Variants in UBE2L3 observed in about 807,000 individuals in gnomAD.
The protein encoded by UBE2L3 is ubiquitin-conjugating enzyme E2 L3.
UBE2L3 carries 1 observed loss-of-function variant against 17.8 expected under a neutral mutation model. The observed-to-expected ratio is 0.06, with a 90% CI of 0.02 to 0.27. The LOEUF is 0.27. Ranked by LOEUF, UBE2L3 falls within the 10% of genes least tolerant of loss-of-function variation. The pLI is 1.00. For synonymous variants in UBE2L3, 44 were observed against 68.5 expected (o/e 0.64, Z 1.76); for missense variants, 40 against 192.6 (o/e 0.21, Z 4.69).
At chr22:21,552,876 A>G (rs1323192917) in intron 1 of UBE2L3, among the ~76,000 whole-genome samples, 2 of 133,540 alleles carry the variant, frequency 1.5e-5, no homozygotes, top group Non-Finnish European at 3.2e-5. Context: ...GGTGCCCGCC[A>G]CCACGCCTGG....
intron 1 of UBE2L3, among the ~76,000 whole-genome samples, chr22:21,556,785 C>A (rs1368684014): frequency 6.6e-6 from 1 of 152,252 alleles, no homozygotes; most frequent in Admixed American, 6.5e-5. Flanking sequence ...ATAGGCTGGG[C>A]GCAGTGGCCC....
At chr22:21,566,812 C>T (rs1249618346), upstream of UBE2L3, among the ~76,000 whole-genome samples, 7 of 152,156 alleles carry the variant, frequency 4.6e-5, 1 homozygote, top group South Asian at 6.2e-4. Context: ...CTCCTCCAGT[C>T]CTCCCAGCTG....
intron 1 of UBE2L3, among the ~76,000 whole-genome samples, chr22:21,569,555 ACT>A (rs1056473721): frequency 4.6e-5 from 7 of 151,988 alleles, no homozygotes; most frequent in African/African-American, 1.7e-4. Flanking sequence ...AAAGCAGATA[ACT>A]CAATTCTTTC....
chr22:21,590,199 A>AT (rs1042435324), intron 1 of UBE2L3, among the ~76,000 whole-genome samples: 3 of 151,494 alleles, frequency 2.0e-5, no homozygotes, highest in Non-Finnish European at 2.9e-5. Context: ...TTATTTTTTT[A>AT]TTTTTTTATT....
chr22:21,601,362 G>A (rs936331727), intron 2 of UBE2L3, among the ~76,000 whole-genome samples: 2 of 151,494 alleles, frequency 1.3e-5, no homozygotes, highest in Non-Finnish European at 2.9e-5. Flanking sequence ...CCCCAGGCTG[G>A]AGTGCAGTGG....
chr22:21,607,115 G>A (rs569531098), intron 2 of UBE2L3, among the ~76,000 whole-genome samples: 4 of 152,238 alleles, frequency 2.6e-5, no homozygotes, highest in Admixed American at 6.5e-5. Flanking sequence ...GAGAACTGGC[G>A]CACGCCAGCC....
At chr22:21,583,506 C>G (rs1233874539) in intron 1 of UBE2L3, among the ~76,000 whole-genome samples, 1 of 152,246 alleles carries the variant, frequency 6.6e-6, no homozygotes, top group Non-Finnish European at 1.5e-5. Context: ...GCCCATAGTA[C>G]TGCTGTGACA....
At chr22:21,567,893 G>C in intron 1 of UBE2L3, 122 bp downstream of exon 1, 1 of 1,529,384 alleles carries the variant, frequency 6.5e-7, no homozygotes, top group Non-Finnish European at 8.8e-7. Flanking sequence ...CGGCCTCGTC[G>C]GTTCCCTGGG....
chr22:21,615,711 A>G (rs1480101204), intron 3 of UBE2L3, among the ~76,000 whole-genome samples: 1 of 152,222 alleles, frequency 6.6e-6, no homozygotes, highest in Non-Finnish European at 1.5e-5. Flanking sequence ...CCCCAAAATC[A>G]ATACTCTCGG....
chr22:21,579,032 C>T (rs1927480469), intron 1 of UBE2L3, among the ~76,000 whole-genome samples: 2 of 151,434 alleles, frequency 1.3e-5, no homozygotes, highest in Admixed American at 1.3e-4. Flanking sequence ...CTCTTGTCAC[C>T]CAGGCTGGAG....
chr22:21,599,926 G>A (rs909127594), intron 2 of UBE2L3, among the ~76,000 whole-genome samples: 23 of 152,174 alleles, frequency 1.5e-4, no homozygotes, highest in Non-Finnish European at 2.9e-4. Context: ...TGTCAAATTC[G>A]GTTAATGGAG....
At chr22:21,602,162 G>A (rs1342116001) in intron 2 of UBE2L3, among the ~76,000 whole-genome samples, 1 of 152,132 alleles carries the variant, frequency 6.6e-6, no homozygotes, top group Non-Finnish European at 1.5e-5. Flanking sequence ...TAGCCACAGG[G>A]AAAGGATGCT....
At chr22:21,591,652 T>C (rs1163165452) in intron 1 of UBE2L3, among the ~76,000 whole-genome samples, 3 of 152,038 alleles carry the variant, frequency 2.0e-5, no homozygotes, top group African/African-American at 7.3e-5. Context: ...AAGTATGAGG[T>C]GCAAGGATCT....
intron 3 of UBE2L3, among the ~76,000 whole-genome samples, chr22:21,615,322 A>G (rs191621206): frequency 0.011 from 1,704 of 151,964 alleles, 35 homozygotes; most frequent in African/African-American, 0.038. Flanking sequence ...TTGGGAGGCC[A>G]AGGCGGGCAG....
chr22:21,557,123 G>C (rs1291694282), intron 1 of UBE2L3, among the ~76,000 whole-genome samples: 1 of 152,256 alleles, frequency 6.6e-6, no homozygotes. Context: ...CCACCACTAT[G>C]GGAGGCTGAG....
chr22:21,618,582 T>G (rs79791452), intron 3 of UBE2L3, among the ~76,000 whole-genome samples: 1 of 150,446 alleles, frequency 6.6e-6, no homozygotes, highest in Non-Finnish European at 1.5e-5. Flanking sequence ...TCTCAAAAAA[T>G]ATATATATAT....
chr22:21,621,285 T>C (rs1930029288), intron 3 of UBE2L3, among the ~76,000 whole-genome samples: 1 of 152,196 alleles, frequency 6.6e-6, no homozygotes, highest in Non-Finnish European at 1.5e-5. Context: ...TGAACAATTA[T>C]CCACTGTAGT....
rs182209277 is a variant in UBE2L3, at chr22:21,592,256, C to T, written c.28-605C>T. On this transcript the variant is annotated intron_variant, in intron 1 of 3. Transcript: ENST00000342192. ...GGAAACAGGCTCAGTGAAGGTTTCCCGTCCCCACCCCCCCACTCCCACCCC... is the reference window on the plus strand; with the variant it reads ...GGAAACAGGCTCAGTGAAGGTTTCCTGTCCCCACCCCCCCACTCCCACCCC... Among the ~76,000 whole-genome samples the T allele has an allele frequency of 4.2e-4, 64 of 152,168 alleles. No individual in the cohort carries two copies. In the East Asian group the frequency reaches 0.01, roughly 24 times the overall value.
At chr22:21,577,401 A>G (rs945567928) in intron 1 of UBE2L3, among the ~76,000 whole-genome samples, 1 of 152,190 alleles carries the variant, frequency 6.6e-6, no homozygotes, top group Non-Finnish European at 1.5e-5. Flanking sequence ...TACCGCACCC[A>G]GCCCTTGTCT....
Sources: allele counts gnomAD v4.1 joint callset (sites outside exome capture counted in the v4.1 genomes callset), GRCh38; gene constraint gnomAD v4.1.1; transcripts MANE v1.5; gene names NCBI Gene and HGNC (gene_info 2026-07-23, HGNC 2026-07-21).